The following CFAP299 variants were observed in gnomAD, a reference collection of about 807,000 sequenced individuals.
CFAP299 encodes the protein cilia and flagella associated protein 299, also known as cilia- and flagella-associated protein 299.
Under a neutral mutation model 27.0 loss-of-function variants are expected in CFAP299, and 21 were observed. The ratio of observed to expected loss-of-function variants is 0.78; its 90% CI spans 0.55 to 1.12. The LOEUF is 1.12. Ranked by LOEUF, CFAP299 falls within the 50% of genes most tolerant of loss-of-function variation. The pLI is 0.00. For synonymous variants in CFAP299, 104 were observed against 98.1 expected (o/e 1.06, Z -0.36); for missense variants, 310 against 276.6 (o/e 1.12, Z -0.86).
intron 3 of CFAP299, among the ~76,000 whole-genome samples, chr4:80,839,820 C>A (rs1730766124): frequency 1.3e-5 from 2 of 151,894 alleles, no homozygotes; most frequent in South Asian, 4.1e-4. Context: ...CCCTGATTGG[C>A]TTTACATAGC....
intron 2 of CFAP299, among the ~76,000 whole-genome samples, chr4:80,399,928 T>G (rs1045831134): frequency 6.6e-5 from 10 of 152,154 alleles, no homozygotes; most frequent in East Asian, 1.9e-4. Flanking sequence ...ACCAGAGGCG[T>G]TTTTTGCTTT....
chr4:80,405,608 T>C (rs1370054622), intron 2 of CFAP299, among the ~76,000 whole-genome samples: 1 of 152,064 alleles, frequency 6.6e-6, no homozygotes, highest in Non-Finnish European at 1.5e-5. Context: ...TTTGCACATT[T>C]AGAATGGGGT....
chr4:80,422,196 A>G (rs536376790), intron 2 of CFAP299, among the ~76,000 whole-genome samples: 2 of 152,148 alleles, frequency 1.3e-5, no homozygotes, highest in Non-Finnish European at 2.9e-5. Context: ...ACTTACAACT[A>G]TACACCATAG....
At chr4:80,390,021 A>G (rs540113268) in intron 2 of CFAP299, among the ~76,000 whole-genome samples, 1 of 152,122 alleles carries the variant, frequency 6.6e-6, no homozygotes, top group Non-Finnish European at 1.5e-5. Context: ...CAAAAATTAT[A>G]CATATTTATA....
chr4:80,881,468 A>G (rs1284073447), intron 4 of CFAP299, among the ~76,000 whole-genome samples: 1 of 152,136 alleles, frequency 6.6e-6, no homozygotes, highest in East Asian at 1.9e-4. Flanking sequence ...GCTCTATAAA[A>G]TTGGAAAAAG....
intron 3 of CFAP299, among the ~76,000 whole-genome samples, chr4:80,690,955 A>C (rs1182950907): frequency 1.3e-5 from 2 of 149,902 alleles, no homozygotes; most frequent in African/African-American, 5.0e-5. Flanking sequence ...GAAATGGATA[A>C]ATTCCTTGAC....
intron 2 of CFAP299, among the ~76,000 whole-genome samples, chr4:80,518,681 C>T (rs1236783997): frequency 6.6e-6 from 1 of 152,012 alleles, no homozygotes. Flanking sequence ...GAACAAGCTT[C>T]TATGTTGGGT....
intron 3 of CFAP299, among the ~76,000 whole-genome samples, chr4:80,864,242 C>T (rs1732553899): frequency 6.6e-6 from 1 of 151,274 alleles, no homozygotes; most frequent in African/African-American, 2.4e-5. Context: ...TAAAATTATT[C>T]TTAAGTCTAT....
chr4:80,834,467 T>C (rs1365288932), intron 3 of CFAP299, among the ~76,000 whole-genome samples: 1 of 152,216 alleles, frequency 6.6e-6, no homozygotes, highest in East Asian at 1.9e-4. Context: ...TATTACTTAA[T>C]GTGTGGTCAT....
At chr4:80,492,766 GCAAAGGCCTTTA>G (rs1731203255) in intron 2 of CFAP299, among the ~76,000 whole-genome samples, 3 of 152,098 alleles carry the variant, frequency 2.0e-5, no homozygotes, top group African/African-American at 7.2e-5. Flanking sequence ...TTTCTCCTGG[GCAAAGGCCTTTA>G]TCATGGTTTC....
intron 2 of CFAP299, among the ~76,000 whole-genome samples, chr4:80,370,486 C>A (rs911436512): frequency 2.6e-5 from 4 of 152,202 alleles, no homozygotes; most frequent in Admixed American, 6.5e-5. Context: ...AGGCTAGTCC[C>A]TTTTGCCTAT....
intron 2 of CFAP299, among the ~76,000 whole-genome samples, chr4:80,531,936 G>A (rs928266946): frequency 1.3e-5 from 2 of 151,766 alleles, no homozygotes; most frequent in East Asian, 3.9e-4. Context: ...TATTTTTTTA[G>A]TAGAGACGGG....
intron 2 of CFAP299, among the ~76,000 whole-genome samples, chr4:80,457,197 A>G (rs979773255): frequency 6.6e-6 from 1 of 152,228 alleles, no homozygotes; most frequent in African/African-American, 2.4e-5. Flanking sequence ...CAAGAATTAC[A>G]ACAATTGATG....
chr4:80,885,329 C>G (rs1733919221), intron 4 of CFAP299, among the ~76,000 whole-genome samples: 1 of 152,152 alleles, frequency 6.6e-6, no homozygotes, highest in Non-Finnish European at 1.5e-5. Context: ...ATTCCTAGTG[C>G]TAGATTAGGC....
chr4:80,800,659 G>GATATATA, intron 3 of CFAP299, among the ~76,000 whole-genome samples: 1 of 75,556 alleles, frequency 1.3e-5, no homozygotes, highest in South Asian at 3.6e-4. Flanking sequence ...ATATATATAT[G>GATATATA]ATATATTAAT....
At position 80,528,243 on chromosome 4, in the gene CFAP299, A is replaced by G. The variant is rs188648332; in HGVS notation, c.243-54850A>G. Among the ~76,000 whole-genome samples, 771 of 150,908 alleles carry G rather than the reference A, an allele frequency of 5.1e-3. 5 individuals carry two copies. Among genetic ancestry groups the G allele is most frequent in the Middle Eastern group, 0.017 (5 of 288 alleles). Reference sequence around the variant, plus strand: ...TCTAACCCTTTTTTGAGCCCATGAGACCCTCCTTCCTATATTTTCAACCTC... The same window carrying G: ...TCTAACCCTTTTTTGAGCCCATGAGGCCCTCCTTCCTATATTTTCAACCTC... On this transcript the variant is annotated intron_variant, in intron 2 of 5. Transcript: ENST00000358105.
chr4:80,562,915 AAAT>A (rs1389452881), intron 2 of CFAP299, among the ~76,000 whole-genome samples: 1 of 151,936 alleles, frequency 6.6e-6, no homozygotes, highest in East Asian at 1.9e-4. Flanking sequence ...TCAGACAAAA[AAAT>A]GTTTCAGACA....
intron 2 of CFAP299, among the ~76,000 whole-genome samples, chr4:80,401,708 A>ACT (rs1311971317): frequency 6.6e-6 from 1 of 152,182 alleles, no homozygotes; most frequent in East Asian, 1.9e-4. Context: ...CAGAGTCCCT[A>ACT]CTGGGTCACT....
chr4:80,784,678 C>T (rs969016123), intron 3 of CFAP299, among the ~76,000 whole-genome samples: 5 of 151,690 alleles, frequency 3.3e-5, no homozygotes, highest in Non-Finnish European at 7.4e-5. Context: ...CCACCACGCC[C>T]AGCTAATTTT....
Sources: allele counts gnomAD v4.1 joint callset (sites outside exome capture counted in the v4.1 genomes callset), GRCh38; gene constraint gnomAD v4.1.1; transcripts MANE v1.5; gene names NCBI Gene and HGNC (gene_info 2026-07-23, HGNC 2026-07-21).